Variants in RUNX1 observed in about 807,000 individuals in gnomAD.
RUNX1 encodes RUNX family transcription factor 1, also known as runt-related transcription factor 1.
In RUNX1, 19 loss-of-function variants were observed where a neutral mutation model predicts 42.8. The observed-to-expected ratio is 0.44, with a 90% CI of 0.31 to 0.65. The LOEUF is 0.65. RUNX1 is among the 30% of genes least tolerant of loss of function. RUNX1 has a pLI of 0.07. For synonymous variants in RUNX1, 271 were observed against 289.4 expected (o/e 0.94, Z 0.64); for missense variants, 528 against 672.0 (o/e 0.79, Z 2.37).
intron 2 of RUNX1, among the ~76,000 whole-genome samples, chr21:35,044,963 G>A (rs934972086): frequency 6.6e-6 from 1 of 152,156 alleles, no homozygotes; most frequent in Non-Finnish European, 1.5e-5. Flanking sequence ...CGGTGTGTGA[G>A]CAGCTGTGGG....
intron 2 of RUNX1, among the ~76,000 whole-genome samples, chr21:34,947,461 C>T (rs1350709178): frequency 6.6e-6 from 1 of 152,166 alleles, no homozygotes; most frequent in Non-Finnish European, 1.5e-5. Flanking sequence ...AACAATCTCA[C>T]ATTTTATTAT....
Position 34,836,293 on chromosome 21 carries a change from G to A in RUNX1, c.614-1692C>T, listed in dbSNP as rs76624068. Among the ~76,000 whole-genome samples the A allele has an allele frequency of 5.5e-3, 843 of 152,322 alleles. 5 individuals are homozygous for A. The highest frequency in any genetic ancestry group is 0.019 in the African/African-American group (809 of 41,558). ...TTCTTGGCTGCGTATTTTAAGCACC[G>A]GCTTTGTGGATGAAAGGCCATGGGG... On this transcript the variant is annotated intron_variant, in intron 6 of 8. Coordinates refer to ENST00000675419, the MANE Select transcript of RUNX1 (RefSeq NM_001754.5).
chr21:34,821,385 T>C (rs1331143533), intron 7 of RUNX1: 2 of 1,260,424 alleles, frequency 1.6e-6, no homozygotes, highest in Admixed American at 3.6e-5. Flanking sequence ...GAAGGATTAA[T>C]AAATACACAC....
At chr21:34,846,790 T>A (rs1601440731) in intron 6 of RUNX1, among the ~76,000 whole-genome samples, 1 of 152,332 alleles carries the variant, frequency 6.6e-6, no homozygotes, top group South Asian at 2.1e-4. Flanking sequence ...GCTACCTATT[T>A]ATTTTGAGAC....
At chr21:34,811,984 C>G (rs941859213) in intron 7 of RUNX1, among the ~76,000 whole-genome samples, 17 of 151,644 alleles carry the variant, frequency 1.1e-4, no homozygotes, top group African/African-American at 4.1e-4. Context: ...AGAAATGCCC[C>G]CAAGAAACCT....
intron 7 of RUNX1, among the ~76,000 whole-genome samples, chr21:34,832,498 A>G (rs980072832): frequency 2.6e-5 from 4 of 152,226 alleles, no homozygotes; most frequent in African/African-American, 9.6e-5. Context: ...TAATCAACCT[A>G]GTAGTATAAA....
chr21:34,983,696 A>G (rs945917846), intron 2 of RUNX1, among the ~76,000 whole-genome samples: 1 of 152,166 alleles, frequency 6.6e-6, no homozygotes, highest in African/African-American at 2.4e-5. Context: ...AGACCATTGC[A>G]ATAGCTATAA....
intron 6 of RUNX1, among the ~76,000 whole-genome samples, chr21:34,853,351 G>C (rs1038287759): frequency 1.3e-5 from 2 of 152,124 alleles, no homozygotes; most frequent in Non-Finnish European, 2.9e-5. Context: ...AAGCAACAGG[G>C]CTCTGCTTTC....
chr21:34,995,652 G>A (rs2058989249), intron 2 of RUNX1, among the ~76,000 whole-genome samples: 1 of 152,038 alleles, frequency 6.6e-6, no homozygotes, highest in Non-Finnish European at 1.5e-5. Context: ...TGTTGCCCAA[G>A]CTGTTCTCGA....
At chr21:34,954,428 G>A (rs1417275189) in intron 2 of RUNX1, among the ~76,000 whole-genome samples, 2 of 152,122 alleles carry the variant, frequency 1.3e-5, no homozygotes, top group African/African-American at 4.8e-5. Context: ...AGCCTCAAAG[G>A]CAGGAGGGTA....
Position 35,049,193 on chromosome 21 carries a change from A to G in RUNX1, c.-85T>C. On this transcript the variant is annotated 5_prime_UTR_variant, in exon 1 of 9. It removes an upstream start codon present in the reference 5' UTR. Transcript: ENST00000675419. ...CACGCTGCGAAACCCTGTGGTTTGC[A>G]TTCAGTGTGATTCGTCCTGCCTGCT... 2.3e-6 allele frequency: 1 copy of G among 429,400 alleles called. No homozygotes were observed. Among genetic ancestry groups the G allele is most frequent in the Non-Finnish European group, 4.3e-6 (1 of 233,298 alleles). 26.6% of individuals were successfully genotyped at this position (429,400 alleles called of 1,614,324 possible). A position where few individuals can be genotyped will look rare whatever the true frequency, so the allele number is the denominator to read the frequency against.
chr21:34,913,987 G>A (rs1373017254), intron 2 of RUNX1, among the ~76,000 whole-genome samples: 3 of 152,136 alleles, frequency 2.0e-5, no homozygotes, highest in African/African-American at 4.8e-5. Flanking sequence ...CTCAGACTTC[G>A]AACATTCAGG....
chr21:34,814,702 G>GC (rs1404757102), intron 7 of RUNX1, among the ~76,000 whole-genome samples: 4 of 152,162 alleles, frequency 2.6e-5, no homozygotes, highest in Non-Finnish European at 5.9e-5. Context: ...GTTTACGAAA[G>GC]ACTAAAAGCA....
rs529016674 is a variant in RUNX1 at position 35,014,652 on chromosome 21, A to T, written c.58+34190T>A. Among the ~76,000 whole-genome samples, 13 of 152,334 alleles carry T rather than the reference A, an allele frequency of 8.5e-5. No individual in the cohort carries two copies. In the South Asian group the frequency reaches 2.5e-3, roughly 29 times the overall value. ...TAGAAACCACTGCCCCATAGTTTTT[A>T]CAATGTGTGCTTTTGGTAACAGCAA... On this transcript the variant is annotated intron_variant, in intron 2 of 8. Coordinates refer to ENST00000675419, the MANE Select transcript of RUNX1 (RefSeq NM_001754.5).
intron 2 of RUNX1, among the ~76,000 whole-genome samples, chr21:34,984,250 G>C (rs887197440): frequency 1.3e-5 from 2 of 152,194 alleles, no homozygotes; most frequent in Non-Finnish European, 2.9e-5. Flanking sequence ...GTGATAATAA[G>C]ATAACAGAAG....
chr21:34,926,256 C>T (rs546126896), intron 2 of RUNX1, among the ~76,000 whole-genome samples: 4 of 151,806 alleles, frequency 2.6e-5, no homozygotes, highest in Admixed American at 2.6e-4. Context: ...GGGCAGACTG[C>T]TTGACCCCAA....
chr21:34,816,310 C>T (rs1374889927), intron 7 of RUNX1, among the ~76,000 whole-genome samples: 1 of 152,144 alleles, frequency 6.6e-6, no homozygotes, highest in Non-Finnish European at 1.5e-5. Flanking sequence ...AGAGAGCGTT[C>T]CTGCCCACCT....
intron 2 of RUNX1, among the ~76,000 whole-genome samples, chr21:34,990,306 T>C (rs535341161): frequency 6.6e-6 from 1 of 152,332 alleles, no homozygotes; most frequent in Non-Finnish European, 1.5e-5. Context: ...AGGGTCTGGA[T>C]CCTACAAACC....
intron 2 of RUNX1, among the ~76,000 whole-genome samples, chr21:34,965,854 A>G (rs1267530639): frequency 1.3e-5 from 2 of 152,154 alleles, no homozygotes; most frequent in East Asian, 3.9e-4. Context: ...CTGCAAAGAG[A>G]AGCTGAGGAG....
Sources: allele counts gnomAD v4.1 joint callset (sites outside exome capture counted in the v4.1 genomes callset), GRCh38; gene constraint gnomAD v4.1.1; transcripts MANE v1.5; gene names NCBI Gene and HGNC (gene_info 2026-07-23, HGNC 2026-07-21).